C6: variants seen among roughly 807,000 people sequenced by gnomAD.
C6 encodes complement C6.
A neutral mutation model predicts 112.9 loss-of-function variants in C6; 101 were observed. That is an observed-to-expected ratio of 0.89 (90% CI 0.76 to 1.06). The LOEUF (loss-of-function observed/expected upper bound fraction) is 1.06. Ranked by LOEUF, C6 falls within the 50% of genes least tolerant of loss-of-function variation. C6 has a pLI of 0.00. For synonymous variants in C6, 431 were observed against 384.1 expected, an observed-to-expected ratio of 1.12 and a Z score of -1.43; for missense variants, 1,202 against 1,104.6, an observed-to-expected ratio of 1.09 and a Z score of -1.25.
Position 41,150,751 on chromosome 5 carries a change from G to A in C6, c.2291-726C>T, listed in dbSNP as rs574445686. On this transcript the variant is annotated intron_variant, in intron 15 of 17. Transcript: ENST00000337836. ...AAAATACCAAAATTAGCAGGGCATG[G>A]TGGCATGCACCTGTAGTCCCAGCTA... Among the ~76,000 whole-genome samples the A allele has an allele frequency of 9.2e-5, 14 of 152,034 alleles. 1 individual carries two copies. The highest frequency in any genetic ancestry group is 1.0e-4 in the Non-Finnish European group (7 of 68,002).
At position 41,201,638 on chromosome 5, in the gene C6, T is replaced by C. The variant is rs144491040; in HGVS notation, c.220A>G (p.Asn74Asp). 1.9e-6 allele frequency: 3 copies of C among 1,613,724 alleles called. No individual in the cohort carries two copies. The highest frequency in any genetic ancestry group is 2.5e-6 in the Non-Finnish European group (3 of 1,179,876). The stretch of plus-strand genomic sequence containing the variant: ...CAGTTGATGGGGCATCTTTGCCAGT[T>C]ACATTCTCTAGTCTCCTGCTTGCTG... ...ICSKQETREC[N>D]WQRCPINCLL... is the part of the protein sequence containing the mutation. Residue 74 changes from asparagine (N) to aspartate (D), a missense_variant, in exon 3 of 18, where the codon AAC (asparagine) becomes GAC (aspartate). Transcript: ENST00000337836.
Position 41,153,344 on chromosome 5 carries a change from T to C in C6, c.2290+466A>G, listed in dbSNP as rs188734499. Among the ~76,000 whole-genome samples, 721 of 152,370 alleles carry C rather than the reference T, an allele frequency of 4.7e-3. 6 individuals carry two copies. The highest frequency in any genetic ancestry group is 7.2e-3 in the Non-Finnish European group (493 of 68,040). On this transcript the variant is annotated intron_variant, in intron 15 of 17. Transcript: ENST00000337836. ...CTAAGGGCACGTGTGTGCACATGCA[T>C]GCATATGCCCTTATGAGGATACTGC...
chr5:41,227,564 T>C (rs1014922050), intron 1 of C6, among the ~76,000 whole-genome samples: 5 of 152,140 alleles, frequency 3.3e-5, no homozygotes, highest in African/African-American at 1.2e-4. Flanking sequence ...CCATGATTTC[T>C]TCCGGTAGTT....
intron 14 of C6, 48 bp downstream of exon 14, chr5:41,154,924 C>G (rs1746749066): frequency 1.3e-6 from 2 of 1,589,428 alleles, no homozygotes; most frequent in African/African-American, 1.3e-5. Flanking sequence ...ATATTGGGCA[C>G]ATTCATTCTG....
At chr5:41,222,180 A>G (rs926894197) in intron 1 of C6, among the ~76,000 whole-genome samples, 5 of 151,586 alleles carry the variant, frequency 3.3e-5, no homozygotes, top group Non-Finnish European at 7.4e-5. Flanking sequence ...AAAAAAAACA[A>G]AAAAAAGAAA....
chr5:41,232,985 C>T (rs1740003449), intron 1 of C6, among the ~76,000 whole-genome samples: 1 of 151,962 alleles, frequency 6.6e-6, no homozygotes, highest in Non-Finnish European at 1.5e-5. Context: ...ATAGAATCTG[C>T]TGCACTAGCA....
intron 1 of C6, among the ~76,000 whole-genome samples, chr5:41,229,233 T>C (rs960759732): frequency 6.6e-6 from 1 of 152,116 alleles, no homozygotes; most frequent in African/African-American, 2.4e-5. Context: ...AGTTTGAGTT[T>C]AGTTTTTCTT....
chr5:41,219,415 A>G (rs1011837662), intron 1 of C6, among the ~76,000 whole-genome samples: 1 of 152,038 alleles, frequency 6.6e-6, no homozygotes, highest in Non-Finnish European at 1.5e-5. Context: ...GGCTGTATTG[A>G]GCGCCCTTTG....
intron 9 of C6, among the ~76,000 whole-genome samples, chr5:41,168,525 A>C (rs181736993): frequency 9.6e-4 from 146 of 152,314 alleles, no homozygotes; most frequent in African/African-American, 3.3e-3. Flanking sequence ...TCCTCTAATC[A>C]AACAAGGGCA....
At chr5:41,201,460 A>G (rs1337976692) in intron 3 of C6, 98 bp downstream of exon 3, 1 of 1,196,260 alleles carries the variant, frequency 8.4e-7, no homozygotes, top group Non-Finnish European at 1.2e-6. Flanking sequence ...ATTTTCAGAA[A>G]TTGAAGTAAT....
chr5:41,177,787 A>C (rs1481923050), intron 7 of C6, among the ~76,000 whole-genome samples: 1 of 152,074 alleles, frequency 6.6e-6, no homozygotes, highest in Non-Finnish European at 1.5e-5. Flanking sequence ...TTGCCTACCT[A>C]TCTGAGATGC....
intron 1 of C6, among the ~76,000 whole-genome samples, chr5:41,226,314 A>G (rs1739498374): frequency 6.6e-6 from 1 of 152,194 alleles, no homozygotes; most frequent in South Asian, 2.1e-4. Flanking sequence ...ACACTTCTCA[A>G]AAGAAGACAT....
At chr5:41,243,881 T>A (rs1740876571) in intron 1 of C6, among the ~76,000 whole-genome samples, 2 of 152,204 alleles carry the variant, frequency 1.3e-5, no homozygotes, top group South Asian at 2.1e-4. Context: ...TTGGAGTAAC[T>A]CTGAGATGTG....
At chr5:41,174,592 C>T (rs1298597673) in intron 8 of C6, among the ~76,000 whole-genome samples, 4 of 152,144 alleles carry the variant, frequency 2.6e-5, no homozygotes, top group African/African-American at 9.7e-5. Context: ...GCAATGCCAA[C>T]TTTTATTCAA....
chr5:41,200,888 GTTGTTTTTTT>G (rs1750968984), intron 3 of C6, among the ~76,000 whole-genome samples: 1 of 66,828 alleles, frequency 1.5e-5, no homozygotes. Context: ...TGTTGTTGTT[GTTGTTTTTTT>G]TTTTTTTTTT....
intron 1 of C6, among the ~76,000 whole-genome samples, chr5:41,246,706 A>T (rs966404340): frequency 5.9e-5 from 9 of 152,168 alleles, no homozygotes; most frequent in African/African-American, 1.9e-4. Flanking sequence ...TTATGTGTTT[A>T]TACTGTTGTT....
At chr5:41,178,493 T>C (rs1383037025) in intron 7 of C6, among the ~76,000 whole-genome samples, 7 of 55,620 alleles carry the variant, frequency 1.3e-4, no homozygotes, top group Non-Finnish European at 2.8e-4. Flanking sequence ...TTTTGTGAGA[T>C]GGAGACAGAG....
chr5:41,185,279 T>A (rs923710066), intron 6 of C6, among the ~76,000 whole-genome samples: 2 of 152,202 alleles, frequency 1.3e-5, no homozygotes, highest in African/African-American at 4.8e-5. Context: ...AATGCCTGTA[T>A]TTATATGTAT....
At chr5:41,210,558 G>T (rs1192826011) in intron 1 of C6, among the ~76,000 whole-genome samples, 2 of 152,032 alleles carry the variant, frequency 1.3e-5, no homozygotes, top group African/African-American at 4.8e-5. Context: ...GTGGGCAAAG[G>T]ATATGAACAG....
Sources: allele counts gnomAD v4.1 joint callset (sites outside exome capture counted in the v4.1 genomes callset), GRCh38; gene constraint gnomAD v4.1.1; transcripts MANE v1.5; gene names NCBI Gene and HGNC (gene_info 2026-07-23, HGNC 2026-07-21).